ZBBX: variants seen among roughly 807,000 people sequenced by gnomAD.
The protein encoded by ZBBX is zinc finger B-box domain-containing protein 1.
In ZBBX, 101 loss-of-function variants were observed where a neutral mutation model predicts 108.5. The observed-to-expected ratio is 0.93, with a 90% CI of 0.79 to 1.10. ZBBX has a LOEUF of 1.10. ZBBX is among the 50% of genes least tolerant of loss of function. The pLI, the probability that ZBBX is intolerant of heterozygous loss-of-function variation, is 0.00. For synonymous variants in ZBBX, 356 were observed against 323.4 expected (o/e 1.10, Z -1.08); for missense variants, 1,009 against 941.4 (o/e 1.07, Z -0.94).
At chr3:167,322,965 T>G (rs555032116) in intron 11 of ZBBX, among the ~76,000 whole-genome samples, 104 of 152,128 alleles carry the variant, frequency 6.8e-4, no homozygotes, top group African/African-American at 2.5e-3. Context: ...TATTGTAGAC[T>G]TCAATGATTA....
At chr3:167,265,690 T>G (rs995526334) in intron 20 of ZBBX, among the ~76,000 whole-genome samples, 1 of 152,202 alleles carries the variant, frequency 6.6e-6, no homozygotes, top group Non-Finnish European at 1.5e-5. Flanking sequence ...CTAGATTGCC[T>G]TTCAAGTTTA....
downstream of ZBBX, among the ~76,000 whole-genome samples, chr3:167,237,012 T>C (rs189307152): frequency 7.2e-5 from 11 of 151,990 alleles, no homozygotes; most frequent in African/African-American, 2.6e-4. Context: ...AAGGATAAGA[T>C]GAGCATTGCT....
At chr3:167,319,507 T>A (rs1736047566) in intron 12 of ZBBX, among the ~76,000 whole-genome samples, 1 of 151,994 alleles carries the variant, frequency 6.6e-6, no homozygotes, top group Non-Finnish European at 1.5e-5. Flanking sequence ...TATTCAAATT[T>A]TAAAAATCAG....
intron 20 of ZBBX, among the ~76,000 whole-genome samples, chr3:167,280,917 T>C (rs1447125085): frequency 6.6e-6 from 1 of 152,154 alleles, no homozygotes; most frequent in Non-Finnish European, 1.5e-5. Context: ...TGGAATACTA[T>C]GCAGCCATAA....
chr3:167,345,154 T>TTCA (rs1219829846), intron 9 of ZBBX, among the ~76,000 whole-genome samples: 3 of 151,882 alleles, frequency 2.0e-5, no homozygotes, highest in African/African-American at 7.2e-5. Flanking sequence ...TAAGGACTCA[T>TTCA]TCACATTTCT....
chr3:167,400,297 GCTAAA>G (rs1748383276), intron 1 of ZBBX, among the ~76,000 whole-genome samples: 1 of 152,034 alleles, frequency 6.6e-6, no homozygotes, highest in Non-Finnish European at 1.5e-5. Context: ...TTCTAGAGTG[GCTAAA>G]CTAATTTACA....
the ZBBX span, among the ~76,000 whole-genome samples, chr3:167,203,863 C>T: frequency 2.6e-5 from 4 of 152,060 alleles, no homozygotes; most frequent in Admixed American, 1.3e-4. Flanking sequence ...CCTTGTAACC[C>T]GTAAAGCATT....
At chr3:167,298,694 A>T (rs1188242364) in intron 17 of ZBBX, among the ~76,000 whole-genome samples, 1 of 152,084 alleles carries the variant, frequency 6.6e-6, no homozygotes, top group Non-Finnish European at 1.5e-5. Flanking sequence ...ACAGAAGTTC[A>T]TGAAATAAAA....
At chr3:167,317,692 T>C (rs962846632) in intron 12 of ZBBX, 95 bp from the exon 13 acceptor site, 3 of 722,272 alleles carry the variant, frequency 4.2e-6, no homozygotes, top group East Asian at 2.7e-5. Flanking sequence ...TGAATGAGTA[T>C]ACAAAATTAA....
At chr3:167,202,850 CAACT>C in the ZBBX span, among the ~76,000 whole-genome samples, 17 of 152,022 alleles carry the variant, frequency 1.1e-4, no homozygotes, top group Non-Finnish European at 2.9e-5. Flanking sequence ...CTATTCAGAC[CAACT>C]GAGGGACCCA....
rs1025212427 is a variant in ZBBX, at chr3:167,336,263, A to C, written c.529-2278T>G. Among the ~76,000 whole-genome samples, 10 of 152,164 alleles carry C rather than the reference A, an allele frequency of 6.6e-5. No homozygotes were observed. In the South Asian group the frequency reaches 1.5e-3, roughly 22 times the overall value. ...TTAAGAGAATCAGAAATAGTGAAAA[A>C]CCCACATTTTTTATGCTAAAAAATA... On this transcript the variant is annotated intron_variant, in intron 9 of 21. Coordinates refer to ENST00000675490, the MANE Select transcript of ZBBX (RefSeq NM_001199201.2).
intron 4 of ZBBX, chr3:167,368,806 T>C: frequency 9.9e-7 from 1 of 1,010,952 alleles, no homozygotes; most frequent in South Asian, 3.7e-5. Context: ...ATTACATTGC[T>C]AGGGGTTCAA....
At chr3:167,273,302 C>T (rs4640564) in intron 20 of ZBBX, among the ~76,000 whole-genome samples, 54,999 of 152,058 alleles carry the variant, frequency 0.36, 10,318 homozygotes, top group East Asian at 0.65. Context: ...TTGTTATGCT[C>T]GTGCACATGG....
intron 17 of ZBBX, among the ~76,000 whole-genome samples, chr3:167,303,667 G>A (rs968701566): frequency 4.6e-5 from 7 of 152,250 alleles, no homozygotes; most frequent in African/African-American, 1.4e-4. Flanking sequence ...ATTCTAGATT[G>A]TTAGTCAGTT....
intron 21 of ZBBX, among the ~76,000 whole-genome samples, chr3:167,241,463 T>C (rs1326848317): frequency 6.6e-6 from 1 of 152,212 alleles, no homozygotes; most frequent in African/African-American, 2.4e-5. Flanking sequence ...ATATTTTTAG[T>C]ATTGAATGTC....
At chr3:167,215,271 A>G in the ZBBX span, among the ~76,000 whole-genome samples, 1 of 152,144 alleles carries the variant, frequency 6.6e-6, no homozygotes, top group Non-Finnish European at 1.5e-5. Context: ...ATCCAAATAA[A>G]CACAATTAGA....
chr3:167,326,803 T>A (rs1447513874), intron 11 of ZBBX, among the ~76,000 whole-genome samples: 1 of 151,982 alleles, frequency 6.6e-6, no homozygotes. Flanking sequence ...AAAATTTATT[T>A]AAAAGTTTAA....
chr3:167,374,725 C>T (rs1432200558), intron 2 of ZBBX, among the ~76,000 whole-genome samples: 3 of 151,600 alleles, frequency 2.0e-5, no homozygotes, highest in Admixed American at 6.6e-5. Flanking sequence ...AATATAAAAG[C>T]CATAAAACAA....
intron 10 of ZBBX, among the ~76,000 whole-genome samples, chr3:167,332,012 G>A (rs938945261): frequency 1.3e-5 from 2 of 152,102 alleles, no homozygotes; most frequent in African/African-American, 4.8e-5. Flanking sequence ...GGCTCTTCTA[G>A]CCATTAAATT....
Sources: gnomAD v4.1 joint callset for allele counts (sites outside exome capture counted in the v4.1 genomes callset) on GRCh38, gnomAD v4.1.1 for gene constraint, MANE v1.5 for transcripts, NCBI Gene and HGNC (gene_info 2026-07-23, HGNC 2026-07-21) for gene names.